The following IDI1 variants were observed in gnomAD, a reference collection of about 807,000 sequenced individuals.
IDI1 encodes the protein isopentenyl-diphosphate delta isomerase 1, also known as isopentenyl-diphosphate Delta-isomerase 1.
In IDI1, 23 loss-of-function variants were observed where a neutral mutation model predicts 32.9. The observed-to-expected ratio is 0.70, with a 90% confidence interval of 0.50 to 0.99. The LOEUF (loss-of-function observed/expected upper bound fraction) is 0.99, where lower values mean the gene tolerates loss of function less well. Among genes scored for constraint, IDI1 ranks in the 50% least tolerant of loss-of-function variants. The pLI, the probability that IDI1 is intolerant of heterozygous loss-of-function variation, is 0.00. For synonymous variants in IDI1, 133 were observed against 128.2 expected (o/e 1.04, Z -0.25); for missense variants, 326 against 351.9 (o/e 0.93, Z 0.59).
At chr10:1,050,378 G>C (rs1161223437), upstream of IDI1, among the ~76,000 whole-genome samples, 1 of 152,032 alleles carries the variant, frequency 6.6e-6, no homozygotes, top group South Asian at 2.1e-4. Flanking sequence ...CTGTCAGTGC[G>C]TTCTTGGGAA....
Position 1,043,993 on chromosome 10 carries a change from C to T in IDI1, c.313+6G>A. 5 of 1,608,426 alleles carry T rather than the reference C, an allele frequency of 3.1e-6. No homozygotes were observed. Among genetic ancestry groups the T allele is most frequent in the Non-Finnish European group, 4.2e-6 (5 of 1,177,748 alleles). ...CTTTACAAGAAAGACTGTTTCAAAG[C>T]AGCACCTTTCTCAATGTTCTCGTTC... On this transcript the variant is annotated splice_donor_region_variant and intron_variant, in intron 2 of 4. Transcript: ENST00000381344.
chr10:1,050,263 A>G (rs1433932378), upstream of IDI1, among the ~76,000 whole-genome samples: 3 of 152,252 alleles, frequency 2.0e-5, no homozygotes, highest in African/African-American at 7.2e-5. Flanking sequence ...TTCCAGACAA[A>G]AAACAGACTT....
intron 4 of IDI1, chr10:1,042,413 T>C (rs1832629675): frequency 6.0e-6 from 3 of 496,772 alleles, no homozygotes; most frequent in Non-Finnish European, 3.7e-6. Flanking sequence ...ATATAGTGCT[T>C]AACAGATCAA....
the IDI1 span, among the ~76,000 whole-genome samples, chr10:1,055,956 G>A: frequency 6.6e-6 from 1 of 152,072 alleles, no homozygotes; most frequent in African/African-American, 2.4e-5. Context: ...TTACAGGCGC[G>A]CGCCGCCACG....
rs553718465 is a variant in IDI1 at position 1,045,038 on chromosome 10, C to A, written c.141-867G>T. ...TCATGTGTCACAAAATATTTTGATTCTTCTCCATCCGTTTAAATATGAGAA... is the reference window on the plus strand; with the variant it reads ...TCATGTGTCACAAAATATTTTGATTATTCTCCATCCGTTTAAATATGAGAA... On this transcript the variant is annotated intron_variant, in intron 1 of 4. Coordinates refer to ENST00000381344, the MANE Select transcript of IDI1 (RefSeq NM_004508.4). 3.3e-5 allele frequency among the ~76,000 whole-genome samples: 5 copies of A among 152,360 alleles called. No individual in the cohort carries two copies. In the South Asian group the frequency reaches 8.3e-4, roughly 25 times the overall value.
chr10:1,044,834 G>A (rs1025833863), intron 1 of IDI1, among the ~76,000 whole-genome samples: 13 of 152,094 alleles, frequency 8.5e-5, no homozygotes, highest in African/African-American at 1.9e-4. Context: ...GACTTAATTC[G>A]TTATATTCAA....
chr10:1,052,198 C>T (rs1259703738), upstream of IDI1, among the ~76,000 whole-genome samples: 2 of 152,184 alleles, frequency 1.3e-5, no homozygotes, highest in East Asian at 3.8e-4. Context: ...TAGAGTCAAT[C>T]CTCTCAAACC....
At chr10:1,045,551 C>T (rs941136117) in intron 1 of IDI1, among the ~76,000 whole-genome samples, 34 of 152,232 alleles carry the variant, frequency 2.2e-4, no homozygotes, top group African/African-American at 8.0e-4. Context: ...ACTACAACCC[C>T]CACCTCCTGG....
chr10:1,055,306 C>T, the IDI1 span, among the ~76,000 whole-genome samples: 1 of 152,176 alleles, frequency 6.6e-6, no homozygotes, highest in African/African-American at 2.4e-5. Context: ...AGCGACTGAT[C>T]CTCAAAATGA....
chr10:1,040,990 G>A lies in IDI1; in HGVS notation c.*197C>T, dbSNP rs1319114984. 6.2e-6 allele frequency: 3 copies of A among 486,316 alleles called. No individual in the cohort carries two copies. The highest frequency in any genetic ancestry group is 3.6e-5 in the Admixed American group (1 of 27,786). 30.1% of individuals were successfully genotyped at this position (486,316 alleles called of 1,614,324 possible). On this transcript the variant is annotated 3_prime_UTR_variant, in exon 5 of 5. Coordinates refer to ENST00000381344, the MANE Select transcript of IDI1 (RefSeq NM_004508.4). The stretch of plus-strand genomic sequence containing the variant: ...GCTTAGAAACAGAACACATATCCAG[G>A]GTGTGTGATACAAAATTATAAGTTA...
At chr10:1,053,847 A>G (rs182931174), upstream of IDI1, among the ~76,000 whole-genome samples, 185 of 151,766 alleles carry the variant, frequency 1.2e-3, 1 homozygote, top group Non-Finnish European at 3.8e-4. Context: ...CTCCTGCTTC[A>G]GTCTCCCAAG....
At chr10:1,053,156 C>G (rs756693542), upstream of IDI1, among the ~76,000 whole-genome samples, 1 of 152,182 alleles carries the variant, frequency 6.6e-6, no homozygotes, top group African/African-American at 2.4e-5. Flanking sequence ...CGTGTGCCAC[C>G]ACACCCAGTT....
intron 1 of IDI1, among the ~76,000 whole-genome samples, chr10:1,046,049 C>A (rs1016477508): frequency 6.6e-6 from 1 of 152,210 alleles, no homozygotes; most frequent in African/African-American, 2.4e-5. Context: ...AGATTTCCAA[C>A]TTCTATAGGC....
At chr10:1,050,719 GAC>G (rs1832987117), upstream of IDI1, among the ~76,000 whole-genome samples, 1 of 152,190 alleles carries the variant, frequency 6.6e-6, no homozygotes, top group Non-Finnish European at 1.5e-5. Context: ...CCCACACTCA[GAC>G]TGGGACAGTG....
upstream of IDI1, among the ~76,000 whole-genome samples, chr10:1,051,911 C>T (rs373156852): frequency 3.9e-5 from 6 of 152,252 alleles, no homozygotes; most frequent in Middle Eastern, 3.4e-3. Flanking sequence ...CTCGTTCTTT[C>T]GCCCAGGCTG....
In IDI1 at chr10:1,042,773, G is replaced by T. The variant is rs1365250777; in HGVS notation, c.407-11C>A. The T allele has an allele frequency of 5.0e-6, 8 of 1,612,376 alleles. No individual in the cohort carries two copies. The Admixed American group carries it at 1.0e-4, about 20-fold the overall frequency. Reference sequence around the variant, plus strand: ...TATTCGTAAAACAACCTGGAAAATGGTAATACAGAGACAGATCAACTTTTC... The same window carrying T: ...TATTCGTAAAACAACCTGGAAAATGTTAATACAGAGACAGATCAACTTTTC... On this transcript the variant is annotated splice_polypyrimidine_tract_variant and intron_variant, in intron 3 of 4. Transcript: ENST00000381344.
chr10:1,052,717 C>G (rs1007954199), upstream of IDI1, among the ~76,000 whole-genome samples: 3 of 152,144 alleles, frequency 2.0e-5, no homozygotes, highest in Non-Finnish European at 4.4e-5. Flanking sequence ...CAGAGGCAGA[C>G]TAGAATTAGC....
upstream of IDI1, among the ~76,000 whole-genome samples, chr10:1,052,652 C>T (rs1220637765): frequency 6.6e-6 from 1 of 152,138 alleles, no homozygotes; most frequent in African/African-American, 2.4e-5. Flanking sequence ...TTTAGTAAAC[C>T]ACACTGTGTA....
intron 3 of IDI1, 47 bp from the exon 4 acceptor site, chr10:1,042,809 G>A (rs199596847): frequency 2.8e-5 from 43 of 1,551,476 alleles, no homozygotes; most frequent in Non-Finnish European, 4.4e-6. Flanking sequence ...TTCAAAGTAG[G>A]TCTGAAAGAT....
Sources: gnomAD v4.1 joint callset for allele counts (sites outside exome capture counted in the v4.1 genomes callset) on GRCh38, gnomAD v4.1.1 for gene constraint, MANE v1.5 for transcripts, NCBI Gene and HGNC (gene_info 2026-07-23, HGNC 2026-07-21) for gene names.